CREM: variants seen among roughly 807,000 people sequenced by gnomAD.
The protein encoded by CREM is cAMP-responsive element modulator.
A neutral mutation model predicts 37.3 loss-of-function variants in CREM; 13 were observed. That is an observed-to-expected ratio of 0.35 (90% CI 0.23 to 0.55). The LOEUF (loss-of-function observed/expected upper bound fraction) is 0.55. Ranked by LOEUF, CREM falls within the 20% of genes least tolerant of loss-of-function variation. The pLI is 0.88. For missense variants in CREM, 296 were observed against 362.3 expected, an observed-to-expected ratio of 0.82 and a Z score of 1.49; for synonymous variants, 124 against 120.2, an observed-to-expected ratio of 1.03 and a Z score of -0.21.
intron 3 of CREM, among the ~76,000 whole-genome samples, chr10:35,170,020 T>G (rs2093732364): frequency 6.7e-6 from 1 of 149,248 alleles, no homozygotes; most frequent in African/African-American, 2.5e-5. Flanking sequence ...TGGAGTGCAG[T>G]GGCATGATCT....
intron 3 of CREM, among the ~76,000 whole-genome samples, chr10:35,162,288 G>A (rs1234864919): frequency 2.0e-5 from 3 of 152,086 alleles, no homozygotes; most frequent in African/African-American, 7.2e-5. Context: ...GGAAGGATGG[G>A]GAAATGTTGG....
At position 35,196,208 on chromosome 10, in the gene CREM, C is replaced by T. The variant is rs1454194986; in HGVS notation, c.598+7820C>T. ...TTACTCTTACTCCATCCTCTTACTC[C>T]ATCTATAGGAACTTGCGATTCAGAG... On this transcript the variant is annotated intron_variant, in intron 6 of 7. Transcript: ENST00000685392. The T allele has an allele frequency of 5.5e-6, 6 of 1,099,412 alleles. No homozygotes were observed. The East Asian group carries it at 1.3e-4, about 23-fold the overall frequency. The allele number at this position is 1,099,412 out of a possible 1,614,324, so 68.1% of individuals were successfully genotyped here. A position where few individuals can be genotyped will look rare whatever the true frequency, so the allele number is the denominator to read the frequency against.
At chr10:35,175,631 G>A in intron 3 of CREM, 2 of 1,591,316 alleles carry the variant, frequency 1.3e-6, no homozygotes, top group Non-Finnish European at 1.7e-6. Flanking sequence ...CACCAAAAGC[G>A]ATAAGGAGCA....
intron 6 of CREM, among the ~76,000 whole-genome samples, chr10:35,192,854 C>T (rs745539432): frequency 1.3e-5 from 2 of 152,204 alleles, no homozygotes; most frequent in South Asian, 2.1e-4. Flanking sequence ...TTAGACAAAG[C>T]TCCAAATCTT....
At chr10:35,201,084 A>G (rs543244661) in intron 6 of CREM, among the ~76,000 whole-genome samples, 36 of 152,178 alleles carry the variant, frequency 2.4e-4, no homozygotes, top group African/African-American at 7.9e-4. Flanking sequence ...CATACATTGA[A>G]AAGGATATCT....
In CREM at chr10:35,135,741, AAAGAG is replaced by A. The variant is rs764923771; in HGVS notation, c.-54-2039_-54-2035del. 1.2e-3 allele frequency among the ~76,000 whole-genome samples: 92 copies of A among 77,314 alleles called. 4 individuals are homozygous for A. Among genetic ancestry groups the A allele is most frequent in the Non-Finnish European group, 2.0e-3 (60 of 29,662 alleles). 50.7% of individuals were successfully genotyped at this position (77,314 alleles called of 152,430 possible). ...TTCTGGAAAAAAAAAAAAAAAAAAA[AAAGAG>A]AGACATTAAAAAAAAATGAGACAAA... On this transcript the variant is annotated intron_variant, in intron 1 of 7. Transcript: ENST00000685392.
chr10:35,158,890 A>G (rs1329579072), intron 3 of CREM, among the ~76,000 whole-genome samples: 2 of 141,284 alleles, frequency 1.4e-5, no homozygotes, highest in Non-Finnish European at 3.0e-5. Context: ...ATTAATTGGT[A>G]TATGTTGTCT....
intron 3 of CREM, chr10:35,158,358 C>T: frequency 4.4e-6 from 1 of 226,554 alleles, no homozygotes; most frequent in South Asian, 5.6e-5. Context: ...GAGAAGCAGG[C>T]TGCTGAGAAG....
intron 1 of CREM, among the ~76,000 whole-genome samples, chr10:35,136,146 T>C (rs931247416): frequency 2.6e-5 from 4 of 152,374 alleles, no homozygotes; most frequent in African/African-American, 9.6e-5. Flanking sequence ...CTTCTCTGAA[T>C]ACCTTTTTCT....
At chr10:35,188,543 A>G in intron 6 of CREM, 155 bp downstream of exon 6, 1 of 541,546 alleles carries the variant, frequency 1.8e-6, no homozygotes, top group South Asian at 6.1e-5. Flanking sequence ...ATTTTAATAC[A>G]TTAAACAGCA....
chr10:35,201,149 G>A (rs2095370890), intron 6 of CREM, among the ~76,000 whole-genome samples: 1 of 151,906 alleles, frequency 6.6e-6, no homozygotes, highest in Non-Finnish European at 1.5e-5. Context: ...AATTTTATAA[G>A]TTTTTAATAG....
chr10:35,204,670 A>C (rs144530581), intron 6 of CREM, among the ~76,000 whole-genome samples: 1 of 152,170 alleles, frequency 6.6e-6, no homozygotes, highest in African/African-American at 2.4e-5. Flanking sequence ...AGGAAAAGGC[A>C]GTACAACCTT....
At chr10:35,149,871 G>C (rs1365169084) in intron 3 of CREM, among the ~76,000 whole-genome samples, 1 of 118,786 alleles carries the variant, frequency 8.4e-6, no homozygotes, top group Non-Finnish European at 1.7e-5. Context: ...ATTTAGGTTA[G>C]GCCAGGCCTT....
intron 1 of CREM, among the ~76,000 whole-genome samples, chr10:35,130,688 C>G (rs908440035): frequency 1.8e-4 from 27 of 152,178 alleles, no homozygotes; most frequent in African/African-American, 6.5e-4. Flanking sequence ...GTGTTCTAAT[C>G]GTCTGCAGTA....
intron 1 of CREM, among the ~76,000 whole-genome samples, chr10:35,135,278 A>T (rs1023147515): frequency 2.6e-5 from 4 of 152,204 alleles, no homozygotes; most frequent in African/African-American, 9.6e-5. Context: ...AAACTAATCT[A>T]AAATATGCCT....
Position 35,162,394 on chromosome 10 carries a change from T to A in CREM, c.168+13903T>A, listed in dbSNP as rs1444157358. On this transcript the variant is annotated intron_variant, in intron 3 of 7. Transcript: ENST00000685392. ...TTAAGGACAATGTATTGTTGAAAAA[T>A]GCAGAGATAGTTGAATGTTAATAAT... is the stretch of plus-strand genomic sequence containing the variant. Among the ~76,000 whole-genome samples, 3 of 152,246 alleles carry A rather than the reference T, an allele frequency of 2.0e-5. No homozygotes were observed. The East Asian group carries it at 5.8e-4, about 29-fold the overall frequency.
chr10:35,193,626 A>G (rs2095013918), intron 6 of CREM, among the ~76,000 whole-genome samples: 1 of 152,096 alleles, frequency 6.6e-6, no homozygotes, highest in South Asian at 2.1e-4. Flanking sequence ...TGAAACCCTA[A>G]CCCCATTGTC....
At chr10:35,197,302 C>A (rs2095226340) in intron 6 of CREM, among the ~76,000 whole-genome samples, 1 of 152,024 alleles carries the variant, frequency 6.6e-6, no homozygotes, top group African/African-American at 2.4e-5. Flanking sequence ...CAACTTAAAA[C>A]ACTTTTTCAC....
intron 1 of CREM, among the ~76,000 whole-genome samples, chr10:35,134,859 G>GA (rs1171864386): frequency 6.6e-6 from 1 of 151,954 alleles, no homozygotes; most frequent in African/African-American, 2.4e-5. Context: ...CCAAAATGGT[G>GA]AAACACCATC....
Sources: allele counts gnomAD v4.1 joint callset (sites outside exome capture counted in the v4.1 genomes callset), GRCh38; gene constraint gnomAD v4.1.1; transcripts MANE v1.5; gene names NCBI Gene and HGNC (gene_info 2026-07-23, HGNC 2026-07-21).